Variants in OR3A2 observed in about 807,000 individuals in gnomAD.
The protein encoded by OR3A2 is olfactory receptor family 3 subfamily A member 2.
For synonymous variants in OR3A2, 126 were observed against 159.3 expected (o/e 0.79, Z 1.57); for missense variants, 318 against 392.8 (o/e 0.81, Z 1.61).
At chr17:3,286,941 G>A (rs1441215988), upstream of OR3A2, among the ~76,000 whole-genome samples, 2 of 152,084 alleles carry the variant, frequency 1.3e-5, no homozygotes, top group South Asian at 2.1e-4. Context: ...TGTCAGTTTC[G>A]GCTTTTGTTG....
intron 2 of OR3A2, among the ~76,000 whole-genome samples, chr17:3,361,622 T>C (rs1394329893): frequency 1.3e-5 from 2 of 151,768 alleles, no homozygotes; most frequent in Admixed American, 1.3e-4. Flanking sequence ...GTTTTTAGCA[T>C]GAAAGGTTGT....
In OR3A2 at chr17:3,311,077, G is replaced by A. The variant is rs751161812; in HGVS notation, c.-85+24956C>T. 1.8e-6 allele frequency: 1 copy of A among 544,790 alleles called. No individual in the cohort carries two copies. Among genetic ancestry groups the A allele is most frequent in the Admixed American group, 1.9e-5 (1 of 51,956 alleles). 33.7% of individuals were successfully genotyped at this position (544,790 alleles called of 1,614,324 possible). A position where few individuals can be genotyped will look rare whatever the true frequency, so the allele number is the denominator to read the frequency against. On this transcript the variant is annotated intron_variant, in intron 3 of 4. Transcript: ENST00000573491. This position sits in a 1 kb window ranked among gnomAD's most constrained non-coding sequence, Gnocchi z 4.6. ...CTCACTGTGGTGGGCATCTTCTATG[G>A]GACGGGCGTCTTCAGCTACACAAGG...
At chr17:3,370,702 T>C (rs970747765) in intron 2 of OR3A2, among the ~76,000 whole-genome samples, 8 of 151,218 alleles carry the variant, frequency 5.3e-5, no homozygotes, top group African/African-American at 1.7e-4. Flanking sequence ...CATAGGACAA[T>C]AGTGGAGGGA....
Position 3,294,103 on chromosome 17 carries a change from A to T in OR3A2, c.-84-14950T>A, listed in dbSNP as rs1043545734. On this transcript the variant is annotated intron_variant, in intron 3 of 4. Coordinates refer to the OR3A2 transcript ENST00000573491. ...CCTGCATGTCCTGCACATGTACCCC[A>T]GAACTTAAAAAAATAAAATAATAAC... 2.3e-4 allele frequency among the ~76,000 whole-genome samples: 35 copies of T among 152,176 alleles called. 2 individuals are homozygous for T. The highest frequency in any genetic ancestry group is 2.0e-3 in the Admixed American group (30 of 15,258).
intron 2 of OR3A2, among the ~76,000 whole-genome samples, chr17:3,353,093 A>G (rs2049433538): frequency 6.8e-6 from 1 of 147,112 alleles, no homozygotes; most frequent in African/African-American, 2.5e-5. Flanking sequence ...GTATCCTGCA[A>G]CTTTACTGAA....
rs377413756 is a variant in OR3A2 at position 3,315,014 on chromosome 17, A to G, written c.-85+21019T>C. Reference sequence around the variant, plus strand: ...CATCCATGTTGTGGCAAAGGACATTATTTCATTCCTTTTTATGGCTGCATA... The same window carrying G: ...CATCCATGTTGTGGCAAAGGACATTGTTTCATTCCTTTTTATGGCTGCATA... On this transcript the variant is annotated intron_variant, in intron 3 of 4. Coordinates refer to the OR3A2 transcript ENST00000573491. 3.9e-5 allele frequency among the ~76,000 whole-genome samples: 6 copies of G among 152,320 alleles called. No homozygotes were observed. The South Asian group carries it at 6.2e-4, about 16-fold the overall frequency.
At chr17:3,340,005 G>A (rs2049303714) in intron 2 of OR3A2, among the ~76,000 whole-genome samples, 1 of 152,184 alleles carries the variant, frequency 6.6e-6, no homozygotes, top group Non-Finnish European at 1.5e-5. Flanking sequence ...TCTTGGGAAG[G>A]TGTATGTGTC....
At chr17:3,298,708 G>A (rs889280528) in intron 3 of OR3A2, among the ~76,000 whole-genome samples, 21 of 152,256 alleles carry the variant, frequency 1.4e-4, no homozygotes, top group African/African-American at 4.6e-4. Context: ...GGGGGCCCCC[G>A]GAGAGTCCTC....
intron 3 of OR3A2, among the ~76,000 whole-genome samples, chr17:3,299,162 T>C (rs1347418007): frequency 2.0e-5 from 3 of 152,164 alleles, no homozygotes; most frequent in Non-Finnish European, 4.4e-5. Flanking sequence ...GTGGATCTAA[T>C]GGTGGTGCTG....
intron 2 of OR3A2, among the ~76,000 whole-genome samples, chr17:3,375,580 G>A (rs1181186494): frequency 6.6e-6 from 1 of 152,104 alleles, no homozygotes; most frequent in Non-Finnish European, 1.5e-5. Flanking sequence ...GAGATTACAG[G>A]CATGAGCCAC....
At chr17:3,312,414 C>T (rs1476882266) in intron 3 of OR3A2, among the ~76,000 whole-genome samples, 4 of 151,972 alleles carry the variant, frequency 2.6e-5, no homozygotes, top group African/African-American at 4.8e-5. Flanking sequence ...TGGTACTTGT[C>T]AGAGCACCCT....
chr17:3,310,834 A>G (rs9912090), intron 3 of OR3A2: 87,794 of 1,014,392 alleles, frequency 0.087, 6,568 homozygotes, highest in African/African-American at 0.32. Context: ...TGTGGCCCCA[A>G]TGTGATCAAT....
At chr17:3,365,848 CA>C (rs2049558458) in intron 2 of OR3A2, among the ~76,000 whole-genome samples, 1 of 152,078 alleles carries the variant, frequency 6.6e-6, no homozygotes, top group South Asian at 2.1e-4. Flanking sequence ...CTTGCTTATG[CA>C]AAAAGGAAAA....
At chr17:3,315,778 T>C (rs1357953719) in intron 3 of OR3A2, among the ~76,000 whole-genome samples, 2 of 141,474 alleles carry the variant, frequency 1.4e-5, no homozygotes, top group Admixed American at 1.5e-4. Context: ...GTAAGATGAG[T>C]AGTAAGATGA....
chr17:3,358,093 C>T (rs1007297680), intron 2 of OR3A2, among the ~76,000 whole-genome samples: 1 of 151,398 alleles, frequency 6.6e-6, no homozygotes, highest in African/African-American at 2.5e-5. Flanking sequence ...GCTCATTGGC[C>T]TAGGAGGACA....
chr17:3,349,938 TACATAATGA>T (rs2150653112), intron 2 of OR3A2, among the ~76,000 whole-genome samples: 1 of 150,948 alleles, frequency 6.6e-6, no homozygotes, highest in East Asian at 1.9e-4. Context: ...GACTACTGGG[TACATAATGA>T]AATGAAGGCA....
chr17:3,340,045 G>C (rs542309003), intron 2 of OR3A2, among the ~76,000 whole-genome samples: 1 of 152,072 alleles, frequency 6.6e-6, no homozygotes, highest in Non-Finnish European at 1.5e-5. Flanking sequence ...TCTAGATTTT[G>C]TAGTTCATTT....
At chr17:3,357,487 T>A (rs563040082) in intron 2 of OR3A2, among the ~76,000 whole-genome samples, 1 of 151,682 alleles carries the variant, frequency 6.6e-6, no homozygotes, top group South Asian at 2.1e-4. Context: ...ATAATTCCAT[T>A]TTTGTGAGGT....
intron 2 of OR3A2, among the ~76,000 whole-genome samples, chr17:3,374,548 TTC>T (rs1221213817): frequency 6.6e-6 from 1 of 152,204 alleles, no homozygotes; most frequent in Non-Finnish European, 1.5e-5. Flanking sequence ...AGCTCTGACA[TTC>T]TTTCTTCCAC....
Sources: gnomAD v4.1 joint callset for allele counts (sites outside exome capture counted in the v4.1 genomes callset) on GRCh38, gnomAD v4.1.1 for gene constraint, Gnocchi (gnomAD v3.1) non-coding constraint, MANE v1.5 for transcripts, NCBI Gene and HGNC (gene_info 2026-07-23, HGNC 2026-07-21) for gene names.